SLC12A1: variants seen among roughly 807,000 people sequenced by gnomAD.
SLC12A1 encodes Na-K-2Cl cotransporter.
SLC12A1 carries 89 observed loss-of-function variants against 130.4 expected under a neutral mutation model. That is an observed-to-expected ratio of 0.68 (90% confidence interval 0.58 to 0.81). The LOEUF (loss-of-function observed/expected upper bound fraction) is 0.81. Ranked by LOEUF, SLC12A1 falls within the 40% of genes least tolerant of loss-of-function variation. SLC12A1 has a pLI of 0.00. For missense variants in SLC12A1, 1,310 were observed against 1,336.4 expected, an observed-to-expected ratio of 0.98 and a Z score of 0.31; for synonymous variants, 499 against 460.0, an observed-to-expected ratio of 1.08 and a Z score of -1.09.
chr15:48,220,858 A>G, intron 3 of SLC12A1, 63 bp from the exon 4 acceptor site: 2 of 1,608,870 alleles, frequency 1.2e-6, no homozygotes, highest in Non-Finnish European at 1.7e-6. Context: ...CTTTATGAAG[A>G]GCCCCGGGTT....
chr15:48,302,852 A>G lies in SLC12A1; in HGVS notation c.3267A>G (p.Gly1089=), dbSNP rs1258756927. Residue 1089 remains glycine (G), a synonymous_variant, in exon 27 of 27, where the codon GGA becomes GGG. Transcript: ENST00000380993. ...TCCCACCTGTCTTACTAGTTAGAGG[A>G]AATCACAAAAATGTCTTGACATTTT... ...KNLPPVLLVR[G]NHKNVLTFYS is the part of the protein sequence containing the mutation. 5 of 1,612,538 alleles carry G rather than the reference A, an allele frequency of 3.1e-6. No homozygotes were observed. The highest frequency in any genetic ancestry group is 4.2e-6 in the Non-Finnish European group (5 of 1,178,734).
chr15:48,294,911 A>ATTTATTTATTTATTT (rs1566860048), intron 24 of SLC12A1, among the ~76,000 whole-genome samples: 3 of 150,920 alleles, frequency 2.0e-5, no homozygotes, highest in East Asian at 1.9e-4. Context: ...TTATTTATTT[A>ATTTATTTATTTATTT]TTTATTTATT....
chr15:48,214,564 G>GA (rs1597396441), intron 2 of SLC12A1, among the ~76,000 whole-genome samples: 1 of 151,772 alleles, frequency 6.6e-6, no homozygotes, highest in African/African-American at 2.4e-5. Context: ...TTCAAAACAA[G>GA]AAAAAAAGAC....
Position 48,232,758 on chromosome 15 carries a change from T to C in SLC12A1, c.1007T>C (p.Ile336Thr), listed in dbSNP as rs748499243. 8 of 1,612,778 alleles carry C rather than the reference T, an allele frequency of 5.0e-6. No individual in the cohort carries two copies. Among genetic ancestry groups the C allele is most frequent in the Non-Finnish European group, 8.5e-7 (1 of 1,178,828 alleles). The change falls in exon 8 of 27, where the codon ATT (isoleucine) becomes ACT (threonine). Residue 336 changes from isoleucine (I) to threonine (T), a missense_variant. By Grantham distance (89) the Ile-to-Thr change is moderately conservative (BLOSUM62 -1). Coordinates refer to ENST00000380993, the MANE Select transcript of SLC12A1 (RefSeq NM_000338.3). ...AQVILLVILL[I>T]AIANFFIGTV... Reference sequence around the variant, plus strand: ...GTCATTCTTCTGGTCATTCTTCTAATTGCTATTGCAAACTTCTTCATTGGA... The same window carrying C: ...GTCATTCTTCTGGTCATTCTTCTAACTGCTATTGCAAACTTCTTCATTGGA...
intron 16 of SLC12A1, among the ~76,000 whole-genome samples, chr15:48,257,357 T>A (rs58922278): frequency 0.28 from 42,989 of 151,972 alleles, 7,777 homozygotes; most frequent in African/African-American, 0.5. Flanking sequence ...GTCCTCTTCT[T>A]ACAGATCTAC....
intron 25 of SLC12A1, among the ~76,000 whole-genome samples, chr15:48,300,979 G>T (rs899338624): frequency 2.0e-5 from 3 of 152,218 alleles, no homozygotes; most frequent in Admixed American, 6.5e-5. Flanking sequence ...TGTGCCCATG[G>T]CAGGTTCATG....
chr15:48,212,749 G>C (rs1167492137), intron 2 of SLC12A1, among the ~76,000 whole-genome samples: 2 of 152,058 alleles, frequency 1.3e-5, no homozygotes, highest in East Asian at 3.9e-4. Context: ...AGCTATCTAT[G>C]AAAAGTATAA....
chr15:48,289,475 T>G (rs2042097641), intron 23 of SLC12A1, among the ~76,000 whole-genome samples: 1 of 128,044 alleles, frequency 7.8e-6, no homozygotes, highest in Non-Finnish European at 1.5e-5. Context: ...TATAACAATG[T>G]ATAACAATGT....
chr15:48,270,399 G>A (rs2041880458), intron 19 of SLC12A1, among the ~76,000 whole-genome samples: 1 of 151,922 alleles, frequency 6.6e-6, no homozygotes, highest in Non-Finnish European at 1.5e-5. Context: ...CTCATAAGAA[G>A]ATTTCGAAGG....
intron 19 of SLC12A1, among the ~76,000 whole-genome samples, chr15:48,274,168 G>A (rs980500296): frequency 6.6e-6 from 1 of 152,148 alleles, no homozygotes; most frequent in Non-Finnish European, 1.5e-5. Flanking sequence ...GAGTCCTTCT[G>A]GGAGGCGGCC....
At chr15:48,239,515 A>AAAATAAATAAATAAAT (rs10530478) in intron 9 of SLC12A1, among the ~76,000 whole-genome samples, 5,576 of 143,624 alleles carry the variant, frequency 0.039, 344 homozygotes, top group African/African-American at 0.12. Context: ...AACCCATCTC[A>AAAATAAATAAATAAAT]AAATAAATAA....
chr15:48,265,496 A>T (rs777609099), intron 17 of SLC12A1, among the ~76,000 whole-genome samples: 4 of 152,154 alleles, frequency 2.6e-5, no homozygotes, highest in Non-Finnish European at 5.9e-5. Flanking sequence ...CAGTTGATGA[A>T]GTTTAGAATG....
At chr15:48,208,829 T>A (rs949243445) in intron 2 of SLC12A1, among the ~76,000 whole-genome samples, 9 of 152,304 alleles carry the variant, frequency 5.9e-5, no homozygotes, top group African/African-American at 2.2e-4. Context: ...ATACTGTGGG[T>A]GACAGCCTTT....
intron 20 of SLC12A1, among the ~76,000 whole-genome samples, chr15:48,283,229 T>G (rs10851463): frequency 0.59 from 90,056 of 152,118 alleles, 32,712 homozygotes; most frequent in Non-Finnish European, 0.81. Flanking sequence ...CTTTGTTTAT[T>G]CTTTTTGCAA....
intron 20 of SLC12A1, among the ~76,000 whole-genome samples, chr15:48,275,585 C>T (rs989263796): frequency 2.0e-5 from 3 of 151,924 alleles, no homozygotes; most frequent in Admixed American, 1.3e-4. Flanking sequence ...TAGGAGTTAA[C>T]CAGACAAAGT....
chr15:48,274,715 T>A, intron 20 of SLC12A1, 62 bp downstream of exon 20: 1 of 1,134,862 alleles, frequency 8.8e-7, no homozygotes, highest in Non-Finnish European at 1.3e-6. Flanking sequence ...TGCCTGACAT[T>A]GTTATGGGAT....
chr15:48,256,828 C>A (rs572999297), intron 16 of SLC12A1, among the ~76,000 whole-genome samples: 4 of 145,138 alleles, frequency 2.8e-5, no homozygotes, highest in African/African-American at 1.0e-4. Context: ...CCTGGCCCCC[C>A]CCCCCAAATT....
At chr15:48,235,026 G>A in intron 9 of SLC12A1, 22 bp downstream of exon 9, 1 of 1,612,860 alleles carries the variant, frequency 6.2e-7, no homozygotes, top group Non-Finnish European at 8.5e-7. Flanking sequence ...GCTCTGCTTT[G>A]CAGTCCTGGG....
intron 24 of SLC12A1, among the ~76,000 whole-genome samples, chr15:48,297,482 A>G (rs2042189652): frequency 6.6e-6 from 1 of 152,210 alleles, no homozygotes; most frequent in African/African-American, 2.4e-5. Context: ...CACAGTACGG[A>G]TACTGGGGAG....
Sources: gnomAD v4.1 joint callset for allele counts (sites outside exome capture counted in the v4.1 genomes callset) on GRCh38, gnomAD v4.1.1 for gene constraint, MANE v1.5 for transcripts, NCBI Gene and HGNC (gene_info 2026-07-23, HGNC 2026-07-21) for gene names.